Variants in RNF217 observed in about 807,000 individuals in gnomAD.
RNF217 encodes the protein ring finger protein 217.
A neutral mutation model predicts 57.8 loss-of-function variants in RNF217; 31 were observed. The observed-to-expected ratio is 0.54, with a 90% CI of 0.40 to 0.72. The LOEUF (loss-of-function observed/expected upper bound fraction) is 0.72, where lower values mean the gene tolerates loss of function less well. RNF217 is among the 30% of genes least tolerant of loss of function. RNF217 has a pLI of 0.00. For missense variants in RNF217, 696 were observed against 708.3 expected, an observed-to-expected ratio of 0.98 and a Z score of 0.20; for synonymous variants, 313 against 294.0, an observed-to-expected ratio of 1.06 and a Z score of -0.66.
At chr6:125,030,763 A>G (rs557796804) in intron 1 of RNF217, among the ~76,000 whole-genome samples, 18 of 152,088 alleles carry the variant, frequency 1.2e-4, no homozygotes, top group African/African-American at 4.1e-4. Flanking sequence ...TTCCAGGCAC[A>G]CGGTGCAAGC....
At chr6:125,048,068 T>C in intron 2 of RNF217, 2 of 538,890 alleles carry the variant, frequency 3.7e-6, no homozygotes, top group South Asian at 4.2e-5. Context: ...AAAGTTTATA[T>C]AACATTTTTC....
intron 2 of RNF217, among the ~76,000 whole-genome samples, chr6:125,054,651 G>T (rs1325164717): frequency 6.6e-6 from 1 of 152,178 alleles, no homozygotes; most frequent in Non-Finnish European, 1.5e-5. Context: ...CCAACTAGTG[G>T]ATACATGTTT....
chr6:125,009,282 G>A (rs745917783), intron 1 of RNF217: 5 of 1,594,026 alleles, frequency 3.1e-6, no homozygotes, highest in African/African-American at 2.7e-5. Context: ...AAGGGATGAA[G>A]GTAAAGTACA....
At chr6:125,030,666 T>A (rs922218106) in intron 1 of RNF217, among the ~76,000 whole-genome samples, 3 of 152,152 alleles carry the variant, frequency 2.0e-5, no homozygotes, top group African/African-American at 7.2e-5. Flanking sequence ...GTTCCCATGG[T>A]CTTGGGCAGT....
At chr6:125,043,843 A>G (rs1209748325) in intron 1 of RNF217, among the ~76,000 whole-genome samples, 3 of 152,142 alleles carry the variant, frequency 2.0e-5, no homozygotes, top group Admixed American at 2.0e-4. Context: ...CAGTAGTAGC[A>G]TAAAATTATG....
intron 1 of RNF217, among the ~76,000 whole-genome samples, chr6:124,980,058 T>C (rs1172905155): frequency 6.6e-6 from 1 of 152,210 alleles, no homozygotes; most frequent in African/African-American, 2.4e-5. Context: ...TTTTTATCTT[T>C]CAAGCAACGT....
chr6:125,035,173 G>A (rs1403358966), intron 1 of RNF217, among the ~76,000 whole-genome samples: 35 of 152,118 alleles, frequency 2.3e-4, no homozygotes, highest in African/African-American at 7.7e-4. Flanking sequence ...TCTTTTCCTA[G>A]TTGAATACCC....
In RNF217 at chr6:124,982,236, T is replaced by C. The variant is rs1479287404; in HGVS notation, c.882+18810T>C. Among the ~76,000 whole-genome samples the C allele has an allele frequency of 3.9e-5, 6 of 152,252 alleles. No homozygotes were observed. The East Asian group carries it at 9.7e-4, about 24-fold the overall frequency. ...TGGGGTCCTGAGATTTATTTTCCTTTCACACTCATATTCATCTTTCTGTCA... is the reference window on the plus strand; with the variant it reads ...TGGGGTCCTGAGATTTATTTTCCTTCCACACTCATATTCATCTTTCTGTCA... On this transcript the variant is annotated intron_variant, in intron 1 of 5. Transcript: ENST00000521654.
At chr6:124,979,712 T>C (rs1784090156) in intron 1 of RNF217, among the ~76,000 whole-genome samples, 2 of 152,236 alleles carry the variant, frequency 1.3e-5, no homozygotes, top group Non-Finnish European at 2.9e-5. Flanking sequence ...TCAACTATGA[T>C]GGTAAATCTT....
At chr6:125,010,013 G>C (rs1490563368) in intron 1 of RNF217, among the ~76,000 whole-genome samples, 2 of 150,156 alleles carry the variant, frequency 1.3e-5, no homozygotes, top group African/African-American at 4.9e-5. Context: ...CTAAATCTGA[G>C]GGTCAGACAG....
intron 1 of RNF217, among the ~76,000 whole-genome samples, chr6:124,989,348 A>C (rs1377737316): frequency 6.6e-6 from 1 of 152,204 alleles, no homozygotes; most frequent in Non-Finnish European, 1.5e-5. Context: ...TCAAAGCATG[A>C]CACTTGAAGT....
At chr6:124,997,784 A>T (rs552535794) in intron 1 of RNF217, among the ~76,000 whole-genome samples, 1 of 152,178 alleles carries the variant, frequency 6.6e-6, no homozygotes, top group East Asian at 1.9e-4. Flanking sequence ...TCTCACCTTT[A>T]GTTGTCTCTC....
At chr6:125,036,879 T>C (rs1401044283) in intron 1 of RNF217, among the ~76,000 whole-genome samples, 1 of 148,638 alleles carries the variant, frequency 6.7e-6, no homozygotes, top group Non-Finnish European at 1.5e-5. Flanking sequence ...TTATTATTTA[T>C]TATTTATTAT....
intron 1 of RNF217, among the ~76,000 whole-genome samples, chr6:124,988,856 A>G (rs898084752): frequency 6.6e-6 from 1 of 152,230 alleles, no homozygotes; most frequent in Non-Finnish European, 1.5e-5. Flanking sequence ...AATAAACAAT[A>G]ACAGTTAAGC....
rs545287015 is a variant in RNF217, at chr6:125,081,420, G to T, written c.1484-16G>T. On this transcript the variant is annotated splice_polypyrimidine_tract_variant and intron_variant, in intron 4 of 5. Coordinates refer to ENST00000521654, the MANE Select transcript of RNF217 (RefSeq NM_001286398.3). ...GTTTTAAGACTCCTTAAATAATTTT[G>T]CCTTTTGTTTTCCAGCTGGAAAATT... 1.9e-6 allele frequency: 3 copies of T among 1,605,396 alleles called. No homozygotes were observed. Among genetic ancestry groups the T allele is most frequent in the East Asian group, 2.2e-5 (1 of 44,662 alleles).
At chr6:125,073,402 C>G (rs969121954) in intron 3 of RNF217, among the ~76,000 whole-genome samples, 1 of 152,138 alleles carries the variant, frequency 6.6e-6, no homozygotes, top group African/African-American at 2.4e-5. Flanking sequence ...CAGGCCCCTT[C>G]TTAGGCCTTG....
intron 1 of RNF217, among the ~76,000 whole-genome samples, chr6:125,019,501 C>T (rs1043227334): frequency 4.6e-5 from 7 of 152,100 alleles, no homozygotes; most frequent in African/African-American, 9.7e-5. Context: ...ATATGTTATT[C>T]TTATATGACT....
At chr6:125,038,645 A>G (rs1786745654) in intron 1 of RNF217, among the ~76,000 whole-genome samples, 1 of 152,144 alleles carries the variant, frequency 6.6e-6, no homozygotes, top group African/African-American at 2.4e-5. Flanking sequence ...ATATTAAATG[A>G]ATTAATACCA....
Position 125,058,015 on chromosome 6 carries a change from A to C in RNF217, c.1190A>C (p.Lys397Thr). 1 of 1,613,616 alleles carries C rather than the reference A, an allele frequency of 6.2e-7. No individual in the cohort carries two copies. Among genetic ancestry groups the C allele is most frequent in the Non-Finnish European group, 8.5e-7 (1 of 1,179,710 alleles). ...CCTTGGCATGAAGGTGTTAACTGCA[A>C]GGAGTACAAAAAAGGAGACAAATTG... ...HSPWHEGVNC[K>T]EYKKGDKLLR... Residue 397 changes from lysine to threonine, a missense_variant, in exon 3 of 6, where the codon AAG becomes ACG. Physicochemically the swap from Lys to Thr is moderately conservative, Grantham distance 78. Coordinates refer to ENST00000521654, the MANE Select transcript of RNF217 (RefSeq NM_001286398.3).
Sources: allele counts gnomAD v4.1 joint callset (sites outside exome capture counted in the v4.1 genomes callset), GRCh38; gene constraint gnomAD v4.1.1; transcripts MANE v1.5; gene names NCBI Gene and HGNC (gene_info 2026-07-23, HGNC 2026-07-21).